NSD1: variants seen among roughly 807,000 people sequenced by gnomAD.
NSD1 encodes the protein nuclear receptor binding SET domain protein 1, also known as histone-lysine N-methyltransferase, H3 lysine-36 specific.
In NSD1, 26 loss-of-function variants were observed where a neutral mutation model predicts 242.7. The ratio of observed to expected loss-of-function variants is 0.11; its 90% CI spans 0.08 to 0.15. The LOEUF (loss-of-function observed/expected upper bound fraction) is 0.15. Among genes scored for constraint, NSD1 ranks in the 10% least tolerant of loss-of-function variants. NSD1 has a pLI of 1.00. For missense variants in NSD1, 2,495 were observed against 3,272.8 expected (o/e 0.76, Z 5.80); for synonymous variants, 1,106 against 1,178.1 (o/e 0.94, Z 1.25).
chr5:177,152,873 A>G (rs1757842205), intron 2 of NSD1, among the ~76,000 whole-genome samples: 1 of 150,674 alleles, frequency 6.6e-6, no homozygotes, highest in Non-Finnish European at 1.5e-5. Context: ...TTTAGTAGAG[A>G]CAGGGTTTCA....
rs1422469051 is a variant in NSD1 at position 177,248,215 on chromosome 5, C to T, written c.4532C>T (p.Pro1511Leu). 1 of 1,614,078 alleles carries T rather than the reference C, an allele frequency of 6.2e-7. No individual in the cohort carries two copies. The highest frequency in any genetic ancestry group is 8.5e-7 in the Non-Finnish European group (1 of 1,180,002). Reference sequence around the variant, plus strand: ...ATGCCTCACAGGACGGCCACAAGCCCCAAGGAGACTGTTGAGGAAGGTGTA... The same window carrying T: ...ATGCCTCACAGGACGGCCACAAGCCTCAAGGAGACTGTTGAGGAAGGTGTA... ...ELMPHRTATS[P>L]KETVEEGVEH... is the part of the protein sequence containing the mutation. The change falls in exon 11 of 23, where the codon CCC (proline) becomes CTC (leucine). Residue 1511 changes from proline (P) to leucine (L), a missense_variant. Physicochemically the swap from Pro to Leu is moderately conservative, Grantham distance 98 (BLOSUM62 -3). Coordinates refer to ENST00000439151, the MANE Select transcript of NSD1 (RefSeq NM_022455.5).
chr5:177,170,692 C>T (rs1366600412), intron 2 of NSD1, among the ~76,000 whole-genome samples: 1 of 152,046 alleles, frequency 6.6e-6, no homozygotes, highest in African/African-American at 2.4e-5. Flanking sequence ...TACGTGACTT[C>T]CTATTCATCC....
chr5:177,207,666 G>A (rs1385632474), intron 4 of NSD1, among the ~76,000 whole-genome samples: 3 of 139,206 alleles, frequency 2.2e-5, no homozygotes, highest in Non-Finnish European at 3.0e-5. Context: ...CTGGGCTAAA[G>A]GCATCCTCCT....
intron 2 of NSD1, among the ~76,000 whole-genome samples, chr5:177,143,573 G>T (rs1756992652): frequency 6.6e-6 from 1 of 152,064 alleles, no homozygotes; most frequent in Admixed American, 6.6e-5. Context: ...GCCTGCCTCA[G>T]CCTCCCAAAG....
chr5:177,146,208 T>A (rs1182593126), intron 2 of NSD1, among the ~76,000 whole-genome samples: 2 of 147,552 alleles, frequency 1.4e-5, no homozygotes, highest in Non-Finnish European at 3.0e-5. Context: ...ACCAATCGTT[T>A]TTTTTTTTTT....
chr5:177,138,687 T>C (rs1581100822), intron 2 of NSD1, among the ~76,000 whole-genome samples: 1 of 152,050 alleles, frequency 6.6e-6, no homozygotes, highest in Admixed American at 6.6e-5. Context: ...TTGCCCAGGC[T>C]GGAGTGCAAT....
intron 4 of NSD1, among the ~76,000 whole-genome samples, chr5:177,205,767 G>C (rs1011481977): frequency 3.4e-4 from 50 of 148,394 alleles, no homozygotes; most frequent in South Asian, 1.5e-3. Flanking sequence ...TCTAGAAGGA[G>C]AAATAATAAT....
intron 2 of NSD1, among the ~76,000 whole-genome samples, chr5:177,164,149 C>CTTTTTTTTTTTTTTTTTTTTT (rs56076836): frequency 1.4e-5 from 2 of 138,392 alleles, no homozygotes; most frequent in Non-Finnish European, 1.5e-5. Context: ...AAAATGTAAC[C>CTTTTTTTTTTTTTTTTTTTTT]TTTTTTTTTT....
At chr5:177,147,208 C>T (rs750851834) in intron 2 of NSD1, among the ~76,000 whole-genome samples, 3 of 152,016 alleles carry the variant, frequency 2.0e-5, no homozygotes, top group Non-Finnish European at 2.9e-5. Flanking sequence ...CAGGCTTAAG[C>T]GATCCTCCCA....
chr5:177,243,400 G>A (rs1766039376), intron 8 of NSD1, among the ~76,000 whole-genome samples: 1 of 152,008 alleles, frequency 6.6e-6, no homozygotes, highest in Admixed American at 6.6e-5. Flanking sequence ...ATTGGCCATG[G>A]TTGGCCAGGC....
intron 4 of NSD1, among the ~76,000 whole-genome samples, chr5:177,204,784 TTG>T (rs1762758488): frequency 6.6e-6 from 1 of 151,740 alleles, no homozygotes. Context: ...TGGGTTTTTT[TTG>T]TTTGTTTGTT....
intron 11 of NSD1, among the ~76,000 whole-genome samples, chr5:177,248,855 A>G (rs746440729): frequency 1.3e-5 from 2 of 152,216 alleles, no homozygotes; most frequent in African/African-American, 4.8e-5. Context: ...GTAGAGTTCT[A>G]TGATTATTCC....
chr5:177,131,981 G>A (rs564423172), upstream of NSD1, among the ~76,000 whole-genome samples: 8 of 152,370 alleles, frequency 5.3e-5, no homozygotes, highest in African/African-American at 1.9e-4. Context: ...CGGAGTCCGG[G>A]CTGGGGGAAG....
chr5:177,143,201 T>G (rs1756965478), intron 2 of NSD1, among the ~76,000 whole-genome samples: 1 of 151,982 alleles, frequency 6.6e-6, no homozygotes, highest in Admixed American at 6.6e-5. Flanking sequence ...GGTTGGTTGG[T>G]TTTTTTTCTT....
chr5:177,256,875 T>C lies in NSD1; in HGVS notation c.4766-76T>C, dbSNP rs896633438. On this transcript the variant is annotated intron_variant, in intron 12 of 22. Coordinates refer to ENST00000439151, the MANE Select transcript of NSD1 (RefSeq NM_022455.5). ...GATCAGTCCATTATAAAATTTCTTA[T>C]GAACTTTTCACCTAATGGTTTAGCA... The C allele has an allele frequency of 1.5e-5, 19 of 1,266,836 alleles. 1 individual carries two copies. The Admixed American group carries it at 1.7e-4, about 11-fold the overall frequency. 78.5% of individuals were successfully genotyped at this position (1,266,836 alleles called of 1,614,324 possible). A position where few individuals can be genotyped will look rare whatever the true frequency, so the allele number is the denominator to read the frequency against.
intron 5 of NSD1, among the ~76,000 whole-genome samples, chr5:177,217,507 T>C (rs1410656260): frequency 2.0e-5 from 3 of 152,160 alleles, no homozygotes; most frequent in Non-Finnish European, 4.4e-5. Flanking sequence ...TTGAATAGGT[T>C]GCTACAGTGG....
intron 2 of NSD1, among the ~76,000 whole-genome samples, chr5:177,145,124 T>C (rs1316760016): frequency 3.3e-5 from 5 of 151,474 alleles, no homozygotes; most frequent in Non-Finnish European, 4.4e-5. Context: ...AAATGGAATA[T>C]AAAAATCTCT....
rs778017899 is a variant in NSD1 at position 177,158,301 on chromosome 5, CT to C, written c.927+22275del. 3.2e-3 allele frequency among the ~76,000 whole-genome samples: 350 copies of C among 108,522 alleles called. 1 individual carries two copies. The highest frequency in any genetic ancestry group is 3.5e-3 in the African/African-American group (103 of 29,316). 71.2% of individuals were successfully genotyped at this position (108,522 alleles called of 152,430 possible). A position where few individuals can be genotyped will look rare whatever the true frequency, so the allele number is the denominator to read the frequency against. On this transcript the variant is annotated intron_variant, in intron 2 of 22. Coordinates refer to ENST00000439151, the MANE Select transcript of NSD1 (RefSeq NM_022455.5). The stretch of plus-strand genomic sequence containing the variant: ...TCTTTCTTTCTTTCTTTCTTTCTTT[CT>C]TTTCTTTCTTTTCTTTCTTTTCTTT...
At chr5:177,262,126 G>A (rs916969385) in intron 14 of NSD1, among the ~76,000 whole-genome samples, 1 of 152,164 alleles carries the variant, frequency 6.6e-6, no homozygotes. Flanking sequence ...TGCACAGTGA[G>A]AAAATAAGTT....
Sources: gnomAD v4.1 joint callset for allele counts (sites outside exome capture counted in the v4.1 genomes callset) on GRCh38, gnomAD v4.1.1 for gene constraint, MANE v1.5 for transcripts, NCBI Gene and HGNC (gene_info 2026-07-23, HGNC 2026-07-21) for gene names.